The following SORCS2 variants were observed in gnomAD, a reference collection of about 807,000 sequenced individuals.
The protein encoded by SORCS2 is VPS10 domain-containing receptor SorCS2.
A neutral mutation model predicts 141.6 loss-of-function variants in SORCS2; 100 were observed. That is an observed-to-expected ratio of 0.71 (90% CI 0.60 to 0.83). The LOEUF (loss-of-function observed/expected upper bound fraction) is 0.83, where lower values mean the gene tolerates loss of function less well. Among genes scored for constraint, SORCS2 ranks in the 40% least tolerant of loss-of-function variants. The pLI is 0.00. For missense variants in SORCS2, 1,646 were observed against 1,560.2 expected (o/e 1.05, Z -0.93); for synonymous variants, 789 against 676.9 (o/e 1.17, Z -2.57).
chr4:7,498,914 C>A (rs1057205556), intron 2 of SORCS2, among the ~76,000 whole-genome samples: 1 of 152,120 alleles, frequency 6.6e-6, no homozygotes, highest in African/African-American at 2.4e-5. Context: ...TCAAGCTGAG[C>A]GTGGAGTGGC....
chr4:7,451,876 T>C (rs73086387), intron 2 of SORCS2, among the ~76,000 whole-genome samples: 2,095 of 152,236 alleles, frequency 0.014, 53 homozygotes, highest in African/African-American at 0.048. Context: ...GGTCTGAACA[T>C]TCCCTGACAC....
intron 10 of SORCS2, among the ~76,000 whole-genome samples, chr4:7,683,560 G>T (rs979499399): frequency 7.2e-5 from 11 of 152,216 alleles, no homozygotes; most frequent in Non-Finnish European, 1.2e-4. Flanking sequence ...AACAGAAACA[G>T]GCAAGTACAA....
chr4:7,452,095 G>A (rs1322077125), intron 2 of SORCS2, among the ~76,000 whole-genome samples: 2 of 151,418 alleles, frequency 1.3e-5, no homozygotes, highest in African/African-American at 2.4e-5. Flanking sequence ...CCACACACCC[G>A]ATACCACTGA....
In SORCS2 at chr4:7,740,281, G is replaced by T; in HGVS notation, c.*17G>T. Reference sequence around the variant, plus strand: ...GTGAGCTGATGCCACCCCAGCATCTGTCTTTTCACCCACGGAGGGCACAGA... The same window carrying T: ...GTGAGCTGATGCCACCCCAGCATCTTTCTTTTCACCCACGGAGGGCACAGA... On this transcript the variant is annotated 3_prime_UTR_variant, in exon 27 of 27. Transcript: ENST00000507866. The T allele has an allele frequency of 6.2e-7, 1 of 1,607,140 alleles. No individual in the cohort carries two copies.
At chr4:7,553,024 C>T (rs1713830227) in intron 3 of SORCS2, among the ~76,000 whole-genome samples, 1 of 152,088 alleles carries the variant, frequency 6.6e-6, no homozygotes, top group Non-Finnish European at 1.5e-5. Context: ...AACCATAGAA[C>T]TAGAGGCCAT....
intron 5 of SORCS2, among the ~76,000 whole-genome samples, chr4:7,659,954 G>C (rs1722043876): frequency 6.6e-6 from 1 of 152,204 alleles, no homozygotes; most frequent in East Asian, 1.9e-4. Flanking sequence ...TGCTCTACTA[G>C]CTTTATGAGC....
intron 1 of SORCS2, among the ~76,000 whole-genome samples, chr4:7,279,426 G>A (rs909921925): frequency 1.3e-5 from 2 of 152,172 alleles, no homozygotes; most frequent in Admixed American, 6.5e-5. Flanking sequence ...TTCCTGAACC[G>A]GATGGTGATG....
chr4:7,741,115 G>A lies in SORCS2; in HGVS notation c.*851G>A, dbSNP rs1211859051. The A allele has an allele frequency of 5.0e-6, 2 of 398,536 alleles. No individual in the cohort carries two copies. The highest frequency in any genetic ancestry group is 7.1e-5 in the East Asian group (2 of 28,068). The allele number at this position is 398,536 out of a possible 1,614,324, so 24.7% of individuals were successfully genotyped here. On this transcript the variant is annotated 3_prime_UTR_variant, in exon 27 of 27. Transcript: ENST00000507866. ...GATGGCTGTTCTCCCACCGGGTCTG[G>A]GCTCTGGAAGGAGCCAGATGCCCCC... is the stretch of plus-strand genomic sequence containing the variant.
At chr4:7,403,998 T>TATATATATATATATATATA (rs59841056) in intron 2 of SORCS2, among the ~76,000 whole-genome samples, 33 of 12,326 alleles carry the variant, frequency 2.7e-3, no homozygotes, top group Non-Finnish European at 3.1e-3. Flanking sequence ...TATATATATA[T>TATATATATATATATATATA]TTTTTTTTTT....
At position 7,531,512 on chromosome 4, in the gene SORCS2, GT is replaced by G. The variant is rs1323242744; in HGVS notation, c.549-17del. The G allele has an allele frequency of 2.5e-6, 4 of 1,611,486 alleles. No homozygotes were observed. The highest frequency in any genetic ancestry group is 3.4e-6 in the Non-Finnish European group (4 of 1,178,226). ...CTTGGAGGGTACATGGCTGACGGCT[GT>G]CCCCCTTTTCCCCCAGGTCATCAGA... On this transcript the variant is annotated splice_polypyrimidine_tract_variant and intron_variant, in intron 2 of 26. Coordinates refer to ENST00000507866, the MANE Select transcript of SORCS2 (RefSeq NM_020777.3).
chr4:7,561,041 C>A (rs373291780), intron 3 of SORCS2, among the ~76,000 whole-genome samples: 1 of 152,090 alleles, frequency 6.6e-6, no homozygotes, highest in Non-Finnish European at 1.5e-5. Context: ...TGACTGGACC[C>A]CAGGCCCTCT....
intron 6 of SORCS2, among the ~76,000 whole-genome samples, chr4:7,662,969 GGTGAGTGAGTGA>G (rs369693061): frequency 1.3e-5 from 2 of 152,052 alleles, no homozygotes; most frequent in Non-Finnish European, 2.9e-5. Flanking sequence ...TGAATGAATA[GGTGAGTGAGTGA>G]GTGAGTGAGT....
At chr4:7,409,831 T>C (rs915624164) in intron 2 of SORCS2, among the ~76,000 whole-genome samples, 1 of 152,192 alleles carries the variant, frequency 6.6e-6, no homozygotes, top group African/African-American at 2.4e-5. Context: ...CATCTCAGTG[T>C]TGTATATTTG....
chr4:7,466,332 G>A (rs1016526187), intron 2 of SORCS2, among the ~76,000 whole-genome samples: 6 of 152,110 alleles, frequency 3.9e-5, no homozygotes, highest in African/African-American at 1.2e-4. Context: ...GATTCCACGG[G>A]GGAGGGTGTT....
At chr4:7,316,887 C>G (rs1405316536) in intron 1 of SORCS2, among the ~76,000 whole-genome samples, 4 of 152,128 alleles carry the variant, frequency 2.6e-5, no homozygotes, top group Non-Finnish European at 5.9e-5. Context: ...TCTCAAGCTC[C>G]TGAGTTTTTG....
intron 3 of SORCS2, among the ~76,000 whole-genome samples, chr4:7,539,598 A>C (rs1577717236): frequency 6.8e-6 from 1 of 147,908 alleles, no homozygotes. Context: ...TTTGTCTCTC[A>C]CTCTCTCTGT....
At chr4:7,527,823 G>T (rs1158635522) in intron 2 of SORCS2, among the ~76,000 whole-genome samples, 1 of 152,132 alleles carries the variant, frequency 6.6e-6, no homozygotes, top group Admixed American at 6.5e-5. Flanking sequence ...GAGATGTAGG[G>T]GTGGAATTTA....
intron 1 of SORCS2, among the ~76,000 whole-genome samples, chr4:7,345,601 T>C (rs1720608905): frequency 6.6e-6 from 1 of 151,648 alleles, no homozygotes; most frequent in Admixed American, 6.6e-5. Flanking sequence ...AGACAAGTCC[T>C]AGGACCTCTC....
chr4:7,392,433 G>A (rs1478250237), intron 1 of SORCS2, among the ~76,000 whole-genome samples: 1 of 152,184 alleles, frequency 6.6e-6, no homozygotes, highest in Non-Finnish European at 1.5e-5. Flanking sequence ...CTGTATGGAT[G>A]CTCATTCATG....
Sources: allele counts gnomAD v4.1 joint callset (sites outside exome capture counted in the v4.1 genomes callset), GRCh38; gene constraint gnomAD v4.1.1; transcripts MANE v1.5; gene names NCBI Gene and HGNC (gene_info 2026-07-23, HGNC 2026-07-21).